The following TTYH2 variants were observed in gnomAD, a reference collection of about 807,000 sequenced individuals.
TTYH2 encodes the protein tweety family member 2.
A neutral mutation model predicts 68.3 loss-of-function variants in TTYH2; 49 were observed. The observed-to-expected ratio is 0.72, with a 90% CI of 0.57 to 0.91. The LOEUF (loss-of-function observed/expected upper bound fraction) is 0.91. TTYH2 is among the 40% of genes least tolerant of loss of function. TTYH2 has a pLI of 0.00. For missense variants in TTYH2, 631 were observed against 700.4 expected (o/e 0.90, Z 1.12); for synonymous variants, 272 against 300.8 (o/e 0.90, Z 0.99).
chr17:74,247,636 T>C lies in TTYH2; in HGVS notation c.805-1375T>C, dbSNP rs117968648. Among the ~76,000 whole-genome samples, 265 of 152,296 alleles carry C rather than the reference T, an allele frequency of 1.7e-3. 1 individual carries two copies. The highest frequency in any genetic ancestry group is 0.014 in the East Asian group (74 of 5,176). On this transcript the variant is annotated intron_variant, in intron 6 of 13. Transcript: ENST00000269346. ...TTGGGGGTGACCCAAACTGAGATGG[T>C]GGCCTCGCTCTTTATTTCCCCAAGG...
chr17:74,248,690 G>C (rs529998309), intron 6 of TTYH2: 471 of 1,227,108 alleles, frequency 3.8e-4, no homozygotes, highest in Non-Finnish European at 4.6e-4. Flanking sequence ...CCCAGAAGAG[G>C]CATTCGGGAA....
rs528121880 is a variant in TTYH2, at chr17:74,239,905, T to C, written c.635+2391T>C. 5.9e-4 allele frequency among the ~76,000 whole-genome samples: 90 copies of C among 152,330 alleles called. No individual in the cohort carries two copies. The highest frequency in any genetic ancestry group is 2.1e-3 in the African/African-American group (86 of 41,576). Reference sequence around the variant, plus strand: ...TTATGTCAGGCAGGGGCAGGACCCATTTTAACGTCACTCTTCTCTGAGCAC... The same window carrying C: ...TTATGTCAGGCAGGGGCAGGACCCACTTTAACGTCACTCTTCTCTGAGCAC... On this transcript the variant is annotated intron_variant, in intron 4 of 13. Transcript: ENST00000269346. This position sits in a 1 kb window ranked among gnomAD's most constrained non-coding sequence, Gnocchi z 5.3.
chr17:74,255,180 G>A (rs1317012746), intron 13 of TTYH2, among the ~76,000 whole-genome samples: 1 of 152,248 alleles, frequency 6.6e-6, no homozygotes, highest in African/African-American at 2.4e-5. Flanking sequence ...CCAAAGGCCT[G>A]GGTTCAAATC....
intron 3 of TTYH2, among the ~76,000 whole-genome samples, chr17:74,236,189 A>G (rs540119344): frequency 1.3e-5 from 2 of 152,204 alleles, no homozygotes; most frequent in Admixed American, 6.5e-5. Flanking sequence ...ATACAAGGAG[A>G]AGGCGCCGGT....
intron 2 of TTYH2, among the ~76,000 whole-genome samples, 160 bp from the exon 3 acceptor site, chr17:74,230,728 C>T (rs1192212619): frequency 3.3e-5 from 5 of 151,620 alleles, no homozygotes; most frequent in African/African-American, 1.2e-4. Flanking sequence ...GCAACCTCCA[C>T]CTCCTGGGTT....
In TTYH2 at chr17:74,241,296, T is replaced by TGTGTGCGC. The variant is rs59096145; in HGVS notation, c.636-2077_636-2076insTGTGCGCG. On this transcript the variant is annotated intron_variant, in intron 4 of 13. Transcript: ENST00000269346. This position sits in a 1 kb window ranked among gnomAD's most constrained non-coding sequence, Gnocchi z 4.1. ...GTGTGTGTGTGTGTGTGTGTGTGTG[T>TGTGTGCGC]GCGTGTAAAAATAAGAATGTGATCC... Among the ~76,000 whole-genome samples, 6 of 146,252 alleles carry TGTGTGCGC rather than the reference T, an allele frequency of 4.1e-5. No homozygotes were observed. Among genetic ancestry groups the TGTGTGCGC allele is most frequent in the African/African-American group, 1.3e-4 (5 of 39,646 alleles).
intron 13 of TTYH2, among the ~76,000 whole-genome samples, chr17:74,255,438 TTTA>T (rs1403288601): frequency 1.3e-5 from 2 of 152,024 alleles, no homozygotes; most frequent in African/African-American, 4.8e-5. Context: ...ATTTATCAAT[TTTA>T]TTTTATTTTT....
intron 2 of TTYH2, among the ~76,000 whole-genome samples, chr17:74,228,602 A>C (rs2050355978): frequency 6.6e-6 from 1 of 152,228 alleles, no homozygotes; most frequent in Admixed American, 6.5e-5. Flanking sequence ...AAAACAACAC[A>C]AAAATCAATA....
chr17:74,234,807 A>G (rs1309970494), intron 3 of TTYH2, among the ~76,000 whole-genome samples: 2 of 152,216 alleles, frequency 1.3e-5, no homozygotes, highest in African/African-American at 4.8e-5. Context: ...GAAATATAGA[A>G]ATATAGAAAT....
chr17:74,242,583 A>G (rs188435034), intron 4 of TTYH2, among the ~76,000 whole-genome samples: 1 of 152,130 alleles, frequency 6.6e-6, no homozygotes, highest in African/African-American at 2.4e-5. Context: ...TGTAGAGATG[A>G]GGTTTCACCA....
rs539496160 is a variant in TTYH2, at chr17:74,251,319, C to G, written c.1117-915C>G. Among the ~76,000 whole-genome samples, 37 of 135,452 alleles carry G rather than the reference C, an allele frequency of 2.7e-4. No homozygotes were observed. The South Asian group carries it at 8.3e-3, about 30-fold the overall frequency. The allele number at this position is 135,452 out of a possible 152,430, so 88.9% of individuals were successfully genotyped here. On this transcript the variant is annotated intron_variant, in intron 10 of 13. Coordinates refer to ENST00000269346, the MANE Select transcript of TTYH2 (RefSeq NM_032646.6). ...TGTGTGTGCATGTGTGTTGTGTGCA[C>G]ATGTGTGCACATGTATGTGGTGTGT...
chr17:74,228,390 C>T (rs754284332), intron 2 of TTYH2, among the ~76,000 whole-genome samples: 2 of 152,136 alleles, frequency 1.3e-5, no homozygotes, highest in Non-Finnish European at 2.9e-5. Context: ...TCTCCCCCCA[C>T]CCCAACCCAA....
At position 74,218,923 on chromosome 17, in the gene TTYH2, A is replaced by AT. The variant is rs537291692; in HGVS notation, c.130-3557dup. ...ACAGGTTTGTCTGGGGCTCCCTTAC[A>AT]TTTTTGTGTTATTAGGAATAACTTG... On this transcript the variant is annotated intron_variant, in intron 1 of 13. Coordinates refer to ENST00000269346, the MANE Select transcript of TTYH2 (RefSeq NM_032646.6). 3.0e-3 allele frequency among the ~76,000 whole-genome samples: 451 copies of AT among 152,244 alleles called. 3 individuals are homozygous for AT. The highest frequency in any genetic ancestry group is 4.8e-3 in the Non-Finnish European group (324 of 68,010).
At chr17:74,252,099 C>A in intron 10 of TTYH2, 135 bp from the exon 11 acceptor site, 2 of 1,148,136 alleles carry the variant, frequency 1.7e-6, no homozygotes, top group Non-Finnish European at 2.5e-6. Context: ...AATGGTGCTG[C>A]AAGGCGCTCG....
chr17:74,250,090 C>T, intron 9 of TTYH2, 62 bp downstream of exon 9: 1 of 1,586,046 alleles, frequency 6.3e-7, no homozygotes, highest in Non-Finnish European at 8.6e-7. Flanking sequence ...TTTCCCCTGC[C>T]CCGGCCCCAG....
At chr17:74,252,978 C>A in intron 11 of TTYH2, 103 bp from the exon 12 acceptor site, 1 of 1,263,998 alleles carries the variant, frequency 7.9e-7, no homozygotes, top group Non-Finnish European at 1.1e-6. Flanking sequence ...ACACGCGTGG[C>A]CAGAGAGTCC....
In TTYH2 at chr17:74,249,085, C is replaced by T; in HGVS notation, c.874+5C>T. Reference sequence around the variant, plus strand: ...CGGAGGGCCAGATCAGCACAGGTAACTACACACTCTCAGGCTGCTGCTGTG... The same window carrying T: ...CGGAGGGCCAGATCAGCACAGGTAATTACACACTCTCAGGCTGCTGCTGTG... On this transcript the variant is annotated splice_donor_5th_base_variant and intron_variant, in intron 7 of 13. Transcript: ENST00000269346. 1.9e-6 allele frequency: 3 copies of T among 1,614,186 alleles called. No homozygotes were observed. Among genetic ancestry groups the T allele is most frequent in the Non-Finnish European group, 8.5e-7 (1 of 1,180,014 alleles).
At chr17:74,254,894 C>A (rs1598235253) in intron 13 of TTYH2, among the ~76,000 whole-genome samples, 1 of 152,222 alleles carries the variant, frequency 6.6e-6, no homozygotes, top group East Asian at 1.9e-4. Context: ...AGGGCTGAAC[C>A]CAAACACAGC....
In TTYH2 at chr17:74,213,726, C is replaced by T; in HGVS notation, c.129+10C>T. 1.9e-6 allele frequency: 3 copies of T among 1,607,460 alleles called. No homozygotes were observed. Among genetic ancestry groups the T allele is most frequent in the Non-Finnish European group, 2.5e-6 (3 of 1,176,956 alleles). ...CGAGAGTTACCAGGAGGTAAGTTTACGCCGCCCCAGACCGCAGCCACGCGC... is the reference window on the plus strand; with the variant it reads ...CGAGAGTTACCAGGAGGTAAGTTTATGCCGCCCCAGACCGCAGCCACGCGC... On this transcript the variant is annotated intron_variant, in intron 1 of 13. Coordinates refer to ENST00000269346, the MANE Select transcript of TTYH2 (RefSeq NM_032646.6). The surrounding 1 kb of genome is among the most constrained non-coding windows in gnomAD (Gnocchi z 6.1).
Sources: allele counts gnomAD v4.1 joint callset (sites outside exome capture counted in the v4.1 genomes callset), GRCh38; gene constraint gnomAD v4.1.1; non-coding constraint Gnocchi (gnomAD v3.1); transcripts MANE v1.5; gene names NCBI Gene and HGNC (gene_info 2026-07-23, HGNC 2026-07-21).